Variants in LAMA2 observed in about 807,000 individuals in gnomAD.
The protein encoded by LAMA2 is laminin subunit alpha 2, also known as laminin subunit alpha-2.
In LAMA2, 269 loss-of-function variants were observed where a neutral mutation model predicts 364.8. That is an observed-to-expected ratio of 0.74 (90% confidence interval 0.67 to 0.82). The LOEUF (loss-of-function observed/expected upper bound fraction) is 0.82, where lower values mean the gene tolerates loss of function less well. Among genes scored for constraint, LAMA2 ranks in the 40% least tolerant of loss-of-function variants. The pLI, the probability that LAMA2 is intolerant of heterozygous loss-of-function variation, is 0.00. For synonymous variants in LAMA2, 1,379 were observed against 1,370.6 expected (o/e 1.01, Z -0.14); for missense variants, 3,807 against 3,873.2 (o/e 0.98, Z 0.45).
At chr6:129,399,066 C>T (rs2114687533) in intron 37 of LAMA2, among the ~76,000 whole-genome samples, 1 of 152,292 alleles carries the variant, frequency 6.6e-6, no homozygotes, top group Middle Eastern at 3.4e-3. Flanking sequence ...CTGCTAGTCC[C>T]TGTACATGTA....
At chr6:129,015,821 A>G (rs986729033) in intron 1 of LAMA2, among the ~76,000 whole-genome samples, 40 of 152,128 alleles carry the variant, frequency 2.6e-4, no homozygotes, top group Middle Eastern at 3.4e-3. Context: ...CACCATTTGT[A>G]TTTTGAACTC....
At chr6:129,057,766 T>C (rs1253384916) in intron 2 of LAMA2, among the ~76,000 whole-genome samples, 5 of 152,208 alleles carry the variant, frequency 3.3e-5, no homozygotes, top group Admixed American at 3.3e-4. Context: ...ACCATTATTA[T>C]TAGAATACAT....
At chr6:129,309,169 C>G (rs1291025384) in intron 22 of LAMA2, among the ~76,000 whole-genome samples, 1 of 152,196 alleles carries the variant, frequency 6.6e-6, no homozygotes, top group African/African-American at 2.4e-5. Flanking sequence ...GATAATTTCT[C>G]TGTGCTAAGG....
chr6:129,198,751 A>G (rs533580269), intron 12 of LAMA2, among the ~76,000 whole-genome samples: 3 of 152,300 alleles, frequency 2.0e-5, no homozygotes, highest in East Asian at 1.9e-4. Flanking sequence ...TTTACACACA[A>G]TAAGAATACA....
intron 22 of LAMA2, among the ~76,000 whole-genome samples, chr6:129,307,477 T>C (rs1773946410): frequency 6.6e-6 from 1 of 152,212 alleles, no homozygotes; most frequent in Admixed American, 6.5e-5. Context: ...AGCCTCGGCT[T>C]CCTCAAACTC....
chr6:129,273,282 C>T (rs1788069350), intron 17 of LAMA2, among the ~76,000 whole-genome samples: 1 of 152,094 alleles, frequency 6.6e-6, no homozygotes, highest in East Asian at 1.9e-4. Flanking sequence ...TTCTCTTAAC[C>T]ATCTTCATTT....
In LAMA2 at chr6:129,490,413, T is replaced by C. The variant is rs1019620405; in HGVS notation, c.7899-1488T>C. ...ACCCTGTGAATTGGTTTAAAAAAAA[T>C]AAGGGTCACTATGATGGTCCTTGTG... On this transcript the variant is annotated intron_variant, in intron 56 of 64. Transcript: ENST00000421865. Among the ~76,000 whole-genome samples the C allele has an allele frequency of 2.0e-5, 3 of 152,230 alleles. No individual in the cohort carries two copies. The South Asian group carries it at 6.2e-4, about 32-fold the overall frequency.
chr6:129,422,424 G>A (rs1015754431), intron 40 of LAMA2, among the ~76,000 whole-genome samples: 2 of 152,086 alleles, frequency 1.3e-5, no homozygotes, highest in Non-Finnish European at 2.9e-5. Context: ...GAAGGTGCAA[G>A]AGCCAGTGGA....
chr6:129,335,022 T>C (rs980086286), intron 29 of LAMA2, among the ~76,000 whole-genome samples: 1 of 152,154 alleles, frequency 6.6e-6, no homozygotes, highest in African/African-American at 2.4e-5. Context: ...TTATCTTGTT[T>C]TTCTTTATCT....
At chr6:129,328,196 C>A in intron 28 of LAMA2, 82 bp from the exon 29 acceptor site, 2 of 1,258,016 alleles carry the variant, frequency 1.6e-6, no homozygotes, top group Non-Finnish European at 2.3e-6. Context: ...GCCAGTCTGT[C>A]TTTGCAGCCA....
chr6:128,980,830 T>G (rs1392720883), intron 1 of LAMA2, among the ~76,000 whole-genome samples: 1 of 152,218 alleles, frequency 6.6e-6, no homozygotes, highest in East Asian at 1.9e-4. Context: ...AGCTTTGATT[T>G]TAACGTGTAT....
At chr6:128,931,648 G>T (rs2114516911) in intron 1 of LAMA2, among the ~76,000 whole-genome samples, 1 of 152,224 alleles carries the variant, frequency 6.6e-6, no homozygotes, top group Middle Eastern at 3.4e-3. Context: ...ACAGCTTGTG[G>T]GATCAGGCAA....
chr6:129,482,019 C>A (rs1784372907), intron 55 of LAMA2, among the ~76,000 whole-genome samples: 1 of 152,136 alleles, frequency 6.6e-6, no homozygotes, highest in South Asian at 2.1e-4. Context: ...TAAAGAATGT[C>A]AACCAGCCGG....
At chr6:129,451,384 C>T (rs905729485) in intron 45 of LAMA2, among the ~76,000 whole-genome samples, 12 of 152,292 alleles carry the variant, frequency 7.9e-5, no homozygotes, top group African/African-American at 2.6e-4. Context: ...CTGCACCCAG[C>T]AGTTGGCAGG....
intron 3 of LAMA2, among the ~76,000 whole-genome samples, chr6:129,066,947 G>A (rs1331977264): frequency 6.6e-6 from 1 of 152,134 alleles, no homozygotes; most frequent in African/African-American, 2.4e-5. Context: ...ATTAAAGACT[G>A]AAACTGTAAA....
intron 31 of LAMA2, 117 bp from the exon 32 acceptor site, chr6:129,353,047 A>G: frequency 1.4e-6 from 1 of 694,164 alleles, no homozygotes; most frequent in East Asian, 2.7e-5. Context: ...GGAAAAGTTA[A>G]CTAATGTATG....
At chr6:129,271,312 C>G (rs1227601768) in intron 17 of LAMA2, among the ~76,000 whole-genome samples, 1 of 151,990 alleles carries the variant, frequency 6.6e-6, no homozygotes, top group Non-Finnish European at 1.5e-5. Context: ...CAAACAACAA[C>G]AAGAAAGAAC....
chr6:128,972,350 T>C (rs1782236127), intron 1 of LAMA2, among the ~76,000 whole-genome samples: 1 of 152,180 alleles, frequency 6.6e-6, no homozygotes, highest in Non-Finnish European at 1.5e-5. Context: ...ATAAATGGTT[T>C]TGTATGAGTT....
At chr6:128,960,881 T>C (rs1172958089) in intron 1 of LAMA2, among the ~76,000 whole-genome samples, 1 of 152,182 alleles carries the variant, frequency 6.6e-6, no homozygotes, top group African/African-American at 2.4e-5. Flanking sequence ...TTGAAGTTTT[T>C]AATATTATTT....
Sources: allele counts gnomAD v4.1 joint callset (sites outside exome capture counted in the v4.1 genomes callset), GRCh38; gene constraint gnomAD v4.1.1; transcripts MANE v1.5; gene names NCBI Gene and HGNC (gene_info 2026-07-23, HGNC 2026-07-21).